The following COL26A1 variants were observed in gnomAD, a reference collection of about 807,000 sequenced individuals.
The protein encoded by COL26A1 is collagen alpha-1(XXVI) chain.
In COL26A1, 41 loss-of-function variants were observed where a neutral mutation model predicts 59.3. That is an observed-to-expected ratio of 0.69 (90% CI 0.54 to 0.90). COL26A1 has a LOEUF of 0.90. COL26A1 is among the 40% of genes least tolerant of loss of function. COL26A1 has a pLI of 0.00. For synonymous variants in COL26A1, 266 were observed against 256.0 expected (o/e 1.04, Z -0.37); for missense variants, 612 against 602.3 (o/e 1.02, Z -0.17).
At chr7:101,390,366 G>T (rs903519349) in intron 1 of COL26A1, among the ~76,000 whole-genome samples, 1 of 151,894 alleles carries the variant, frequency 6.6e-6, no homozygotes, top group Non-Finnish European at 1.5e-5. Context: ...GACCTCAAGC[G>T]ATCTGCCCGC....
Position 101,544,035 on chromosome 7 carries a change from C to G in COL26A1, c.642C>G (p.Gly214=), listed in dbSNP as rs377572973. 1 of 1,594,400 alleles carries G rather than the reference C, an allele frequency of 6.3e-7. No individual in the cohort carries two copies. Among genetic ancestry groups the G allele is most frequent in the Admixed American group, 1.7e-5 (1 of 57,394 alleles). Residue 214 remains glycine, a synonymous_variant, in exon 6 of 13, where the codon GGC becomes GGG. Transcript: ENST00000313669. ...PGQTGPPGPA[G]PPGSKGDRGQ... Reference sequence around the variant, plus strand: ...AGACAGGACCACCAGGGCCTGCAGGCCCCCCCGGGTCTAAAGGTGACCGAG... The same window carrying G: ...AGACAGGACCACCAGGGCCTGCAGGGCCCCCCGGGTCTAAAGGTGACCGAG...
chr7:101,477,557 A>G (rs1794076585), intron 3 of COL26A1, among the ~76,000 whole-genome samples: 1 of 152,156 alleles, frequency 6.6e-6, no homozygotes, highest in Non-Finnish European at 1.5e-5. Flanking sequence ...TATAGGGAGT[A>G]TCTTGATATT....
At chr7:101,401,760 G>C (rs1364208627) in intron 1 of COL26A1, among the ~76,000 whole-genome samples, 1 of 135,520 alleles carries the variant, frequency 7.4e-6, no homozygotes, top group Admixed American at 7.1e-5. Flanking sequence ...GGAGGAAGAG[G>C]AGGAGGGAGA....
intron 3 of COL26A1, among the ~76,000 whole-genome samples, chr7:101,465,691 C>CAAAAAAAAAAAA (rs539721605): frequency 3.9e-5 from 4 of 102,644 alleles, no homozygotes; most frequent in African/African-American, 1.4e-4. Context: ...GAAACTGTCT[C>CAAAAAAAAAAAA]AAAAAAAAAA....
At position 101,515,449 on chromosome 7, in the gene COL26A1, A is replaced by G. The variant is rs113209137; in HGVS notation, c.386-17633A>G. Reference sequence around the variant, plus strand: ...CAGGTGTGTGCCACCACACTCAGCTAATTTTTGTATTTTTAGTAGAGACAG... The same window carrying G: ...CAGGTGTGTGCCACCACACTCAGCTGATTTTTGTATTTTTAGTAGAGACAG... On this transcript the variant is annotated intron_variant, in intron 3 of 12. Coordinates refer to ENST00000313669, the MANE Select transcript of COL26A1 (RefSeq NM_001278563.3). 1.9e-4 allele frequency among the ~76,000 whole-genome samples: 29 copies of G among 151,924 alleles called. 1 individual carries two copies. Among genetic ancestry groups the G allele is most frequent in the African/African-American group, 6.8e-4 (28 of 41,370 alleles).
chr7:101,445,963 G>A (rs1261554403), intron 2 of COL26A1, among the ~76,000 whole-genome samples: 2 of 147,644 alleles, frequency 1.4e-5, no homozygotes, highest in East Asian at 2.0e-4. Flanking sequence ...CAGGAGAATC[G>A]CTTGAATCTG....
chr7:101,499,896 A>AAAAAAAG (rs35819045), intron 3 of COL26A1, among the ~76,000 whole-genome samples: 1 of 141,174 alleles, frequency 7.1e-6, no homozygotes, highest in Admixed American at 7.0e-5. Flanking sequence ...AAAAAAAAAA[A>AAAAAAAG]CACCTTTGTT....
intron 1 of COL26A1, among the ~76,000 whole-genome samples, chr7:101,382,575 T>C (rs1791473566): frequency 6.6e-6 from 1 of 152,250 alleles, no homozygotes; most frequent in Non-Finnish European, 1.5e-5. Flanking sequence ...TATATCTTTA[T>C]CATATATTTT....
chr7:101,435,855 C>T (rs1046867600), intron 2 of COL26A1, among the ~76,000 whole-genome samples: 4 of 152,202 alleles, frequency 2.6e-5, no homozygotes, highest in African/African-American at 4.8e-5. Context: ...CGGAACTCTC[C>T]GGGGCTTCAT....
At chr7:101,510,696 A>G (rs1794903032) in intron 3 of COL26A1, among the ~76,000 whole-genome samples, 1 of 151,278 alleles carries the variant, frequency 6.6e-6, no homozygotes. Context: ...TTTGTAGAGA[A>G]TGAGGCTGGG....
intron 1 of COL26A1, among the ~76,000 whole-genome samples, chr7:101,390,032 C>A (rs1435377474): frequency 6.6e-6 from 1 of 151,444 alleles, no homozygotes; most frequent in African/African-American, 2.4e-5. Context: ...TTATTGATAT[C>A]TCTTTTTTTC....
At chr7:101,383,509 G>A (rs961562198) in intron 1 of COL26A1, among the ~76,000 whole-genome samples, 1 of 151,210 alleles carries the variant, frequency 6.6e-6, no homozygotes, top group Non-Finnish European at 1.5e-5. Context: ...TGGGATTACA[G>A]GCATGTGCCA....
In COL26A1 at chr7:101,430,588, C is replaced by T. The variant is rs374046651; in HGVS notation, c.281+10489C>T. On this transcript the variant is annotated intron_variant, in intron 2 of 12. Transcript: ENST00000313669. The stretch of plus-strand genomic sequence containing the variant: ...ATAGGTGTGAGTCACCATGTCCAGC[C>T]AGTATTTTTAATTTCTATGTCCATA... Among the ~76,000 whole-genome samples the T allele has an allele frequency of 2.0e-4, 30 of 151,700 alleles. No individual in the cohort carries two copies. The East Asian group carries it at 5.4e-3, about 27-fold the overall frequency.
intron 1 of COL26A1, among the ~76,000 whole-genome samples, chr7:101,407,812 A>G (rs560456985): frequency 6.6e-6 from 1 of 152,082 alleles, no homozygotes. Flanking sequence ...ATAACCCAGC[A>G]GTTAGCACCC....
At chr7:101,489,834 CTTTCTTTCTT>C in intron 3 of COL26A1, among the ~76,000 whole-genome samples, 1 of 13,922 alleles carries the variant, frequency 7.2e-5, no homozygotes, top group Admixed American at 8.2e-4. Flanking sequence ...TTCTTTCTTT[CTTTCTTTCTT>C]TCTTTCTTTC....
Position 101,558,880 on chromosome 7 carries a change from C to T in COL26A1, c.*1350C>T, listed in dbSNP as rs1295006503. On this transcript the variant is annotated 3_prime_UTR_variant, in exon 13 of 13. Coordinates refer to ENST00000313669, the MANE Select transcript of COL26A1 (RefSeq NM_001278563.3). Reference sequence around the variant, plus strand: ...ACTCCTGTTTGGCTGTGGCCTGGTCCCTCTGGGCCCTGGGATCTTCTTCTG... The same window carrying T: ...ACTCCTGTTTGGCTGTGGCCTGGTCTCTCTGGGCCCTGGGATCTTCTTCTG... The T allele has an allele frequency of 6.6e-6, 1 of 152,398 alleles. No homozygotes were observed. The highest frequency in any genetic ancestry group is 2.4e-5 in the African/African-American group (1 of 41,554). 9.4% of individuals were successfully genotyped at this position (152,398 alleles called of 1,614,324 possible). A position where few individuals can be genotyped will look rare whatever the true frequency, so the allele number is the denominator to read the frequency against.
chr7:101,544,209 G>T (rs190443295), intron 6 of COL26A1, 113 bp downstream of exon 6: 150 of 722,620 alleles, frequency 2.1e-4, no homozygotes, highest in Non-Finnish European at 3.0e-4. Context: ...ATCTTGCTGG[G>T]TACCAGAAAA....
In COL26A1 at chr7:101,417,158, TGTTGA is replaced by T. The variant is rs368852194; in HGVS notation, c.159-2814_159-2810del. On this transcript the variant is annotated intron_variant, in intron 1 of 12. Transcript: ENST00000313669. ...TTTTAAGGGGATGTGATTTATTGCC[TGTTGA>T]GTTGGTGCCTTTCTTCCATGATACT... Among the ~76,000 whole-genome samples the T allele has an allele frequency of 5.3e-5, 8 of 152,312 alleles. No individual in the cohort carries two copies. The East Asian group carries it at 9.6e-4, about 18-fold the overall frequency.
chr7:101,498,586 A>G (rs17135490), intron 3 of COL26A1, among the ~76,000 whole-genome samples: 7,389 of 152,270 alleles, frequency 0.049, 624 homozygotes, highest in African/African-American at 0.17. Flanking sequence ...CTTTCTTTGC[A>G]TGAGAAACAG....
Sources: allele counts gnomAD v4.1 joint callset (sites outside exome capture counted in the v4.1 genomes callset), GRCh38; gene constraint gnomAD v4.1.1; transcripts MANE v1.5; gene names NCBI Gene and HGNC (gene_info 2026-07-23, HGNC 2026-07-21).